TFCP2L1: variants seen among roughly 807,000 people sequenced by gnomAD.
TFCP2L1 encodes the protein transcription factor CP2 like 1.
TFCP2L1 carries 12 observed loss-of-function variants against 72.2 expected under a neutral mutation model. That is an observed-to-expected ratio of 0.17 (90% CI 0.11 to 0.27). TFCP2L1 has a LOEUF of 0.27. Among genes scored for constraint, TFCP2L1 ranks in the 10% least tolerant of loss-of-function variants. The probability of loss-of-function intolerance (pLI) is 1.00; values close to 1 mark genes in which losing one functional copy is unlikely to be tolerated. For missense variants in TFCP2L1, 488 were observed against 624.6 expected (o/e 0.78, Z 2.33); for synonymous variants, 260 against 251.0 (o/e 1.04, Z -0.34).
intron 2 of TFCP2L1, among the ~76,000 whole-genome samples, chr2:121,251,268 A>T (rs1686607430): frequency 6.6e-6 from 1 of 152,062 alleles, no homozygotes; most frequent in Non-Finnish European, 1.5e-5. Flanking sequence ...AAGAAAAAAA[A>T]AAAAAGTACA....
chr2:121,231,960 C>T lies in TFCP2L1; in HGVS notation c.1207G>A (p.Ala403Thr), dbSNP rs747600759. Residue 403 changes from alanine to threonine, a missense_variant, in exon 13 of 15, where the codon GCC becomes ACC. Physicochemically the swap from Ala to Thr is moderately conservative, Grantham distance 58. This residue lies in a region of TFCP2L1 where 286 missense variants were observed against 329.0 expected (regional missense o/e 0.87). Coordinates refer to ENST00000263707, the MANE Select transcript of TFCP2L1 (RefSeq NM_014553.3). ...SGDSNLSVYHAIFLEELTTLE... is the reference protein window; with the variant it reads ...SGDSNLSVYHTIFLEELTTLE... The stretch of plus-strand genomic sequence containing the variant: ...GTGGTCAGCTCTTCCAGGAAGATGG[C>T]GTGGTACACTGGGGGAAGGAGGAGC... 1.9e-6 allele frequency: 3 copies of T among 1,597,814 alleles called. No homozygotes were observed. Among genetic ancestry groups the T allele is most frequent in the Non-Finnish European group, 2.6e-6 (3 of 1,169,674 alleles).
chr2:121,255,802 G>T (rs1686705033), intron 2 of TFCP2L1, among the ~76,000 whole-genome samples: 2 of 151,856 alleles, frequency 1.3e-5, no homozygotes, highest in South Asian at 4.2e-4. Context: ...GAGTACAGCG[G>T]CACGATCTCG....
At chr2:121,244,962 G>A (rs1291300858) in intron 6 of TFCP2L1, among the ~76,000 whole-genome samples, 2 of 152,180 alleles carry the variant, frequency 1.3e-5, no homozygotes, top group African/African-American at 2.4e-5. Context: ...CTTGGTGGAC[G>A]TGGTCGGCAG....
intron 3 of TFCP2L1, 51 bp from the exon 4 acceptor site, chr2:121,249,138 AACCC>A (rs1164950500): frequency 7.4e-7 from 1 of 1,359,938 alleles, no homozygotes; most frequent in Admixed American, 2.6e-5. Context: ...GGCCAAGAGG[AACCC>A]ACCTCTTTTC....
chr2:121,273,515 A>G (rs924144232), intron 2 of TFCP2L1, among the ~76,000 whole-genome samples: 1 of 152,212 alleles, frequency 6.6e-6, no homozygotes, highest in African/African-American at 2.4e-5. Context: ...CATTTTCACC[A>G]TATCTAAAAC....
chr2:121,220,848 T>C lies in TFCP2L1; in HGVS notation c.*3493A>G, dbSNP rs1573349267. 2 of 152,210 alleles carry C rather than the reference T, an allele frequency of 1.3e-5. No homozygotes were observed. Among genetic ancestry groups the C allele is most frequent in the South Asian group, 4.1e-4 (2 of 4,832 alleles). The allele number at this position is 152,210 out of a possible 1,614,324, so 9.4% of individuals were successfully genotyped here. ...TGTACTTTTTTTTGGTATTTATTATTTTCTATTCTTTCATAAGCTATAAGC... is the reference window on the plus strand; with the variant it reads ...TGTACTTTTTTTTGGTATTTATTATCTTCTATTCTTTCATAAGCTATAAGC... On this transcript the variant is annotated 3_prime_UTR_variant, in exon 15 of 15. Transcript: ENST00000263707.
Position 121,235,310 on chromosome 2 carries a change from A to C in TFCP2L1, c.1005T>G (p.Gly335=), listed in dbSNP as rs201046687. Residue 335 remains glycine (G), a splice_region_variant and synonymous_variant, in exon 11 of 15, where the codon GGT becomes GGG. Coordinates refer to ENST00000263707, the MANE Select transcript of TFCP2L1 (RefSeq NM_014553.3). ...CTCGGGACATCTTCAGCAAGTCAGC[A>C]CCTAGGCAGGAAAAAAACGGGGATG... is the stretch of plus-strand genomic sequence containing the variant. The part of the protein sequence containing the change: ...QFCRLFASFS[G]ADLLKMSRDD... The C allele has an allele frequency of 6.9e-5, 112 of 1,613,340 alleles. No individual in the cohort carries two copies. The East Asian group carries it at 1.4e-3, about 21-fold the overall frequency.
intron 3 of TFCP2L1, 66 bp from the exon 4 acceptor site, chr2:121,249,153 C>A: frequency 1.6e-6 from 2 of 1,269,066 alleles, no homozygotes; most frequent in East Asian, 2.8e-5. Flanking sequence ...ACCTCTTTTC[C>A]CTGAGCCACA....
At chr2:121,225,693 G>T in intron 13 of TFCP2L1, 80 bp from the exon 14 acceptor site, 1 of 1,505,330 alleles carries the variant, frequency 6.6e-7, no homozygotes, top group African/African-American at 1.4e-5. Flanking sequence ...GCCTAGCCAT[G>T]CGCAGCTGCA....
chr2:121,249,959 A>AAGTT (rs1215947112), intron 2 of TFCP2L1, among the ~76,000 whole-genome samples: 1 of 152,174 alleles, frequency 6.6e-6, no homozygotes, highest in Non-Finnish European at 1.5e-5. Flanking sequence ...CTGAACACAA[A>AAGTT]CTCATACATC....
At chr2:121,250,811 T>C (rs572237474) in intron 2 of TFCP2L1, among the ~76,000 whole-genome samples, 1 of 151,810 alleles carries the variant, frequency 6.6e-6, no homozygotes, top group African/African-American at 2.4e-5. Flanking sequence ...TTCACCATGT[T>C]AGCCAGGCTG....
At chr2:121,270,580 T>C (rs1687026789) in intron 2 of TFCP2L1, among the ~76,000 whole-genome samples, 1 of 152,206 alleles carries the variant, frequency 6.6e-6, no homozygotes, top group African/African-American at 2.4e-5. Context: ...AAGCCTAATG[T>C]TCCTCAACAG....
intron 2 of TFCP2L1, among the ~76,000 whole-genome samples, chr2:121,275,165 A>G (rs1687119451): frequency 6.6e-6 from 1 of 152,118 alleles, no homozygotes; most frequent in African/African-American, 2.4e-5. Flanking sequence ...CAGGTGGATC[A>G]TCAGTTCAGG....
chr2:121,269,608 A>T (rs1156757020), intron 2 of TFCP2L1, among the ~76,000 whole-genome samples: 1 of 152,082 alleles, frequency 6.6e-6, no homozygotes, highest in East Asian at 1.9e-4. Flanking sequence ...ATTAAAAACA[A>T]ACAGCAAAAA....
At chr2:121,241,651 C>T (rs1240552057) in intron 7 of TFCP2L1, among the ~76,000 whole-genome samples, 1 of 152,154 alleles carries the variant, frequency 6.6e-6, no homozygotes, top group African/African-American at 2.4e-5. Flanking sequence ...CCTCCAACCC[C>T]AGAGATCCCA....
intron 10 of TFCP2L1, among the ~76,000 whole-genome samples, chr2:121,236,306 C>A (rs184812405): frequency 2.0e-5 from 3 of 152,188 alleles, no homozygotes; most frequent in Non-Finnish European, 4.4e-5. Flanking sequence ...TTGGCTCTAG[C>A]AGATACTGCC....
chr2:121,237,478 C>T (rs954017294), intron 10 of TFCP2L1, 145 bp downstream of exon 10: 27 of 886,726 alleles, frequency 3.0e-5, no homozygotes, highest in African/African-American at 2.3e-4. Flanking sequence ...GGTTGGGGCA[C>T]GTGAGCGAGC....
chr2:121,269,918 A>AAAAAAAAAAAATATATATATATATAT, intron 2 of TFCP2L1, among the ~76,000 whole-genome samples: 1 of 115,182 alleles, frequency 8.7e-6, no homozygotes, highest in African/African-American at 3.7e-5. Context: ...AAAAAAAAAA[A>AAAAAAAAAAAATATATATATATATAT]ATATATATAT....
intron 8 of TFCP2L1, 29 bp downstream of exon 8, chr2:121,239,529 G>T: frequency 1.2e-6 from 2 of 1,611,006 alleles, no homozygotes; most frequent in South Asian, 1.1e-5. Flanking sequence ...TCATTTCAGG[G>T]AACCCGAAGA....
Sources: gnomAD v4.1 joint callset for allele counts (sites outside exome capture counted in the v4.1 genomes callset) on GRCh38, gnomAD v4.1.1 for gene constraint, gnomAD v4.1.1 regional missense constraint, MANE v1.5 for transcripts, NCBI Gene and HGNC (gene_info 2026-07-23, HGNC 2026-07-21) for gene names.